PARP8: variants seen among roughly 807,000 people sequenced by gnomAD.
PARP8 encodes protein mono-ADP-ribosyltransferase PARP8.
A neutral mutation model predicts 124.1 loss-of-function variants in PARP8; 51 were observed. The observed-to-expected ratio is 0.41, with a 90% CI of 0.33 to 0.52. The LOEUF is 0.52. PARP8 is among the 20% of genes least tolerant of loss of function. The pLI is 0.21. For synonymous variants in PARP8, 391 were observed against 361.5 expected, an observed-to-expected ratio of 1.08 and a Z score of -0.93; for missense variants, 860 against 1,018.9, an observed-to-expected ratio of 0.84 and a Z score of 2.12.
intron 2 of PARP8, among the ~76,000 whole-genome samples, chr5:50,711,639 C>T (rs111985023): frequency 0.015 from 2,243 of 152,112 alleles, 56 homozygotes; most frequent in African/African-American, 0.052. Context: ...GGAATGAGTC[C>T]TTGGTTGAGC....
intron 23 of PARP8, chr5:50,833,522 A>T (rs1256295886): frequency 1.1e-5 from 4 of 349,666 alleles, no homozygotes; most frequent in African/African-American, 8.7e-5. Flanking sequence ...GAAAAAAAAA[A>T]AAATCCCAGA....
Position 50,778,183 on chromosome 5 carries a change from T to G in PARP8, c.579+54T>G, listed in dbSNP as rs1740249656. ...GGTGCATTTAAAATACATTTTATTT[T>G]ATTTTTGGGGGAAATTTAATTTTCA... On this transcript the variant is annotated intron_variant, in intron 8 of 25. Transcript: ENST00000281631. The G allele has an allele frequency of 1.5e-6, 2 of 1,298,324 alleles. 1 individual carries two copies. Among genetic ancestry groups the G allele is most frequent in the South Asian group, 2.7e-5 (2 of 74,796 alleles). 80.4% of individuals were successfully genotyped at this position (1,298,324 alleles called of 1,614,324 possible).
chr5:50,699,976 G>T (rs1407820098), intron 2 of PARP8, among the ~76,000 whole-genome samples: 1 of 152,154 alleles, frequency 6.6e-6, no homozygotes, highest in Non-Finnish European at 1.5e-5. Context: ...TAGATAGCAT[G>T]ACTCATGGAA....
chr5:50,764,173 C>T (rs1760836142), intron 7 of PARP8, among the ~76,000 whole-genome samples: 1 of 152,118 alleles, frequency 6.6e-6, no homozygotes, highest in Non-Finnish European at 1.5e-5. Context: ...GTTTATTATT[C>T]GTCTCATGTC....
At chr5:50,687,698 A>AC (rs1752020881) in intron 2 of PARP8, among the ~76,000 whole-genome samples, 1 of 152,228 alleles carries the variant, frequency 6.6e-6, no homozygotes, top group Admixed American at 6.5e-5. Flanking sequence ...GTCACATCTT[A>AC]CATAGATGGC....
intron 5 of PARP8, among the ~76,000 whole-genome samples, chr5:50,761,395 T>G (rs1219246132): frequency 3.3e-5 from 5 of 152,138 alleles, no homozygotes; most frequent in African/African-American, 1.2e-4. Flanking sequence ...TATTATTGCA[T>G]TTAAAGTTTC....
intron 2 of PARP8, among the ~76,000 whole-genome samples, chr5:50,714,564 A>G (rs182760462): frequency 1.3e-5 from 2 of 152,240 alleles, no homozygotes; most frequent in African/African-American, 4.8e-5. Context: ...GATTTTGCAC[A>G]GTATCAATAG....
At chr5:50,764,896 T>C (rs186693253) in intron 7 of PARP8, among the ~76,000 whole-genome samples, 1 of 151,946 alleles carries the variant, frequency 6.6e-6, no homozygotes, top group Non-Finnish European at 1.5e-5. Context: ...CATCTCGATA[T>C]ACACCAAAAT....
At chr5:50,789,609 C>G (rs1452365567) in intron 10 of PARP8, among the ~76,000 whole-genome samples, 1 of 152,172 alleles carries the variant, frequency 6.6e-6, no homozygotes, top group Admixed American at 6.5e-5. Context: ...GCCATTTGAA[C>G]TGAATTTTAA....
At chr5:50,669,001 T>C (rs1184082120) in intron 2 of PARP8, 1 of 152,236 alleles carries the variant, frequency 6.6e-6, no homozygotes, top group African/African-American at 2.4e-5. Context: ...GAAACATTTA[T>C]AAACATATAA....
chr5:50,803,060 G>A (rs1399735632), intron 14 of PARP8, among the ~76,000 whole-genome samples: 1 of 152,114 alleles, frequency 6.6e-6, no homozygotes, highest in African/African-American at 2.4e-5. Flanking sequence ...ATTGTTTGAA[G>A]GATAGTTATG....
chr5:50,688,885 G>C (rs1752167485), intron 2 of PARP8, among the ~76,000 whole-genome samples: 1 of 152,112 alleles, frequency 6.6e-6, no homozygotes, highest in Non-Finnish European at 1.5e-5. Context: ...TTGAGCGGTA[G>C]CCCAAGCTAC....
chr5:50,747,880 C>T (rs1758784542), intron 2 of PARP8, among the ~76,000 whole-genome samples: 1 of 146,356 alleles, frequency 6.8e-6, no homozygotes. Context: ...TCACGCCATT[C>T]TCCTGCCCCA....
In PARP8 at chr5:50,677,335, T is replaced by C. The variant is rs534769925; in HGVS notation, c.146+9210T>C. Among the ~76,000 whole-genome samples the C allele has an allele frequency of 3.5e-4, 53 of 149,856 alleles. No individual in the cohort carries two copies. The East Asian group carries it at 4.3e-3, about 12-fold the overall frequency. On this transcript the variant is annotated intron_variant, in intron 2 of 25. Transcript: ENST00000281631. ...GCAGCAAAAAAAAAAAAAAAAAAGT[T>C]AGTCCCTCCAGCTGAAAAGCGGTCA...
chr5:50,717,548 C>A (rs564361796), intron 2 of PARP8, among the ~76,000 whole-genome samples: 1 of 151,540 alleles, frequency 6.6e-6, no homozygotes, highest in South Asian at 2.1e-4. Context: ...GCAATAGAGA[C>A]GACATTTAAA....
chr5:50,744,989 A>G lies in PARP8; in HGVS notation c.147-5162A>G, dbSNP rs149634436. On this transcript the variant is annotated intron_variant, in intron 2 of 25. Transcript: ENST00000281631. Reference sequence around the variant, plus strand: ...TACTACTCATTAGATCCTTGAGCCAATCATCCATGTCTGTTTGTACTAGAT... The same window carrying G: ...TACTACTCATTAGATCCTTGAGCCAGTCATCCATGTCTGTTTGTACTAGAT... The G allele has an allele frequency of 3.9e-3, 1,964 of 501,548 alleles. 22 individuals are homozygous for G. The highest frequency in any genetic ancestry group is 0.016 in the Middle Eastern group (29 of 1,860). The allele number at this position is 501,548 out of a possible 1,614,324, so 31.1% of individuals were successfully genotyped here. A position where few individuals can be genotyped will look rare whatever the true frequency, so the allele number is the denominator to read the frequency against.
intron 1 of PARP8, 139 bp from the exon 2 acceptor site, chr5:50,667,932 G>A (rs1749540777): frequency 1.9e-6 from 3 of 1,546,410 alleles, no homozygotes; most frequent in Non-Finnish European, 2.6e-6. Flanking sequence ...GCGGCGCAGA[G>A]GGACCTCGCC....
intron 2 of PARP8, among the ~76,000 whole-genome samples, chr5:50,745,537 C>T (rs140111661): frequency 3.3e-4 from 51 of 152,284 alleles, no homozygotes; most frequent in African/African-American, 1.1e-3. Context: ...TCTTATGCCT[C>T]CCAGCTAGTA....
rs532158577 is a variant in PARP8 at position 50,686,188 on chromosome 5, G to A, written c.146+18063G>A. 5.7e-4 allele frequency among the ~76,000 whole-genome samples: 87 copies of A among 152,348 alleles called. 1 individual carries two copies. Among genetic ancestry groups the A allele is most frequent in the East Asian group, 7.7e-4 (4 of 5,182 alleles). Reference sequence around the variant, plus strand: ...TCCTAGATGCATTGCGGATACAGGCGTTGAATAGATGCAGTCATTCCAAAT... The same window carrying A: ...TCCTAGATGCATTGCGGATACAGGCATTGAATAGATGCAGTCATTCCAAAT... On this transcript the variant is annotated intron_variant, in intron 2 of 25. Transcript: ENST00000281631.
Sources: allele counts gnomAD v4.1 joint callset (sites outside exome capture counted in the v4.1 genomes callset), GRCh38; gene constraint gnomAD v4.1.1; transcripts MANE v1.5; gene names NCBI Gene and HGNC (gene_info 2026-07-23, HGNC 2026-07-21).